Variants in RALYL observed in about 807,000 individuals in gnomAD.
The protein encoded by RALYL is RALY RNA binding protein like, also known as RNA-binding Raly-like protein.
RALYL carries 29 observed loss-of-function variants against 35.1 expected under a neutral mutation model. The ratio of observed to expected loss-of-function variants is 0.83; its 90% confidence interval spans 0.61 to 1.13. The LOEUF is 1.13. Among genes scored for constraint, RALYL ranks in the 50% most tolerant of loss-of-function variants. The pLI is 0.00. For missense variants in RALYL, 359 were observed against 360.4 expected, an observed-to-expected ratio of 1.00 and a Z score of 0.03; for synonymous variants, 120 against 127.6, an observed-to-expected ratio of 0.94 and a Z score of 0.40.
chr8:84,884,018 A>C (rs541504267), intron 7 of RALYL, among the ~76,000 whole-genome samples: 1 of 152,184 alleles, frequency 6.6e-6, no homozygotes, highest in South Asian at 2.1e-4. Flanking sequence ...ACTAGTAATT[A>C]GCAGAAGTAT....
At chr8:84,236,979 A>G (rs1049775771) in intron 1 of RALYL, among the ~76,000 whole-genome samples, 2 of 152,200 alleles carry the variant, frequency 1.3e-5, no homozygotes, top group African/African-American at 2.4e-5. Context: ...ATGGTGAACC[A>G]TCTAGGTTCC....
intron 1 of RALYL, among the ~76,000 whole-genome samples, chr8:84,462,648 T>G (rs940045307): frequency 6.6e-6 from 1 of 150,802 alleles, no homozygotes; most frequent in African/African-American, 2.4e-5. Flanking sequence ...CTGGCATCAT[T>G]TGTTGTAAAA....
intron 8 of RALYL, among the ~76,000 whole-genome samples, chr8:84,892,870 T>G (rs1045334335): frequency 1.2e-4 from 18 of 152,168 alleles, no homozygotes; most frequent in African/African-American, 4.3e-4. Context: ...AAGTCAAAAT[T>G]TGGATTTATC....
At chr8:84,422,142 C>G (rs1458624522) in intron 1 of RALYL, among the ~76,000 whole-genome samples, 1 of 143,820 alleles carries the variant, frequency 7.0e-6, no homozygotes, top group Admixed American at 7.0e-5. Flanking sequence ...CCTCCTTGTA[C>G]CTCTGGTAGA....
At chr8:84,512,971 C>T (rs577787779) in intron 1 of RALYL, among the ~76,000 whole-genome samples, 1 of 152,196 alleles carries the variant, frequency 6.6e-6, no homozygotes, top group South Asian at 2.1e-4. Context: ...ATGTTTCCAA[C>T]TTTGTTCCTT....
chr8:84,601,219 A>G (rs934414819), intron 2 of RALYL, among the ~76,000 whole-genome samples: 1 of 152,122 alleles, frequency 6.6e-6, no homozygotes, highest in African/African-American at 2.4e-5. Context: ...ATTTAATCTT[A>G]TAACAAGTTA....
chr8:84,338,248 G>A (rs1848179524), intron 1 of RALYL, among the ~76,000 whole-genome samples: 1 of 151,802 alleles, frequency 6.6e-6, no homozygotes, highest in Non-Finnish European at 1.5e-5. Flanking sequence ...AAATTACATA[G>A]AGATGAATGT....
chr8:84,745,945 G>T (rs1808503561), intron 2 of RALYL, among the ~76,000 whole-genome samples: 1 of 151,982 alleles, frequency 6.6e-6, no homozygotes, highest in Non-Finnish European at 1.5e-5. Flanking sequence ...AGGCACTCCA[G>T]GCTATGGAAG....
chr8:84,917,009 T>C (rs970012508), intron 8 of RALYL, among the ~76,000 whole-genome samples: 8 of 152,284 alleles, frequency 5.3e-5, no homozygotes, highest in Non-Finnish European at 1.2e-4. Flanking sequence ...GTTTTATGTT[T>C]AGCTTCAGTT....
intron 4 of RALYL, among the ~76,000 whole-genome samples, chr8:84,839,358 G>C (rs1222736568): frequency 6.6e-6 from 1 of 152,218 alleles, no homozygotes; most frequent in Non-Finnish European, 1.5e-5. Context: ...CGCTCATGGA[G>C]CCTCGCTCAT....
At chr8:84,652,995 A>G (rs1829167595) in intron 2 of RALYL, among the ~76,000 whole-genome samples, 1 of 152,120 alleles carries the variant, frequency 6.6e-6, no homozygotes, top group Non-Finnish European at 1.5e-5. Flanking sequence ...TTGGACATCT[A>G]TTCAAGTTAA....
intron 1 of RALYL, among the ~76,000 whole-genome samples, chr8:84,476,394 C>A (rs1434614687): frequency 6.6e-6 from 1 of 152,118 alleles, no homozygotes; most frequent in Non-Finnish European, 1.5e-5. Context: ...TTATGGAAAA[C>A]CTCTTTTGCT....
At chr8:84,795,725 C>T (rs1821754493) in intron 3 of RALYL, among the ~76,000 whole-genome samples, 1 of 152,150 alleles carries the variant, frequency 6.6e-6, no homozygotes, top group African/African-American at 2.4e-5. Flanking sequence ...AGGTTAATTA[C>T]AGGCCCTTAC....
chr8:84,542,551 C>T (rs570996413), intron 2 of RALYL, among the ~76,000 whole-genome samples: 3 of 152,186 alleles, frequency 2.0e-5, no homozygotes, highest in Admixed American at 2.0e-4. Context: ...CTCACAAGAA[C>T]TGATGGTTTC....
intron 1 of RALYL, among the ~76,000 whole-genome samples, chr8:84,226,845 AC>A (rs1823999902): frequency 6.6e-6 from 1 of 152,140 alleles, no homozygotes; most frequent in South Asian, 2.1e-4. Flanking sequence ...TCCTTCCAGG[AC>A]AGGATTTTTG....
At chr8:84,479,631 T>A (rs1026278327) in intron 1 of RALYL, among the ~76,000 whole-genome samples, 5 of 152,180 alleles carry the variant, frequency 3.3e-5, no homozygotes, top group Admixed American at 2.6e-4. Context: ...ATCTAATAAT[T>A]ATTCTTACAA....
intron 2 of RALYL, among the ~76,000 whole-genome samples, chr8:84,765,232 C>T (rs1813633544): frequency 1.3e-5 from 2 of 152,174 alleles, no homozygotes; most frequent in Non-Finnish European, 2.9e-5. Context: ...GCTTTACAGG[C>T]TGCTTTCCAC....
intron 2 of RALYL, among the ~76,000 whole-genome samples, chr8:84,675,148 C>T (rs1453991761): frequency 6.6e-6 from 1 of 152,030 alleles, no homozygotes; most frequent in African/African-American, 2.4e-5. Context: ...TTGAGAAATA[C>T]ATTTTTTTCT....
chr8:84,778,122 G>A (rs764586369), intron 3 of RALYL, among the ~76,000 whole-genome samples: 7 of 152,122 alleles, frequency 4.6e-5, no homozygotes, highest in Non-Finnish European at 8.8e-5. Context: ...AGAGCATAAC[G>A]TAATGAAAGT....
Sources: gnomAD v4.1 joint callset for allele counts (sites outside exome capture counted in the v4.1 genomes callset) on GRCh38, gnomAD v4.1.1 for gene constraint, MANE v1.5 for transcripts, NCBI Gene and HGNC (gene_info 2026-07-23, HGNC 2026-07-21) for gene names.